The following RBFOX1 variants were observed in gnomAD, a reference collection of about 807,000 sequenced individuals.
RBFOX1 encodes RNA binding protein fox-1 homolog 1.
Under a neutral mutation model 57.7 loss-of-function variants are expected in RBFOX1, and 8 were observed. The ratio of observed to expected loss-of-function variants is 0.14; its 90% confidence interval spans 0.08 to 0.25. RBFOX1 has a LOEUF of 0.25. Among genes scored for constraint, RBFOX1 ranks in the 10% least tolerant of loss-of-function variants. The pLI is 1.00. For synonymous variants in RBFOX1, 326 were observed against 222.4 expected (o/e 1.47, Z -4.15); for missense variants, 611 against 548.5 (o/e 1.11, Z -1.14).
intron 4 of RBFOX1, among the ~76,000 whole-genome samples, chr16:7,218,628 CTGTGTGTGTGTGTGTGTGTGTG>C (rs60333818): frequency 1.3e-4 from 16 of 127,536 alleles, no homozygotes; most frequent in African/African-American, 5.3e-4. Flanking sequence ...TGGGGGTTTG[CTGTGTGTGTGTGTGTGTGTGTG>C]TGTGTGTGTG....
intron 1 of RBFOX1, among the ~76,000 whole-genome samples, chr16:6,161,160 G>A (rs148048042): frequency 0.016 from 2,397 of 152,164 alleles, 23 homozygotes; most frequent in Non-Finnish European, 0.026. Flanking sequence ...AGGCCGAGGC[G>A]GGCAGATCAC....
In RBFOX1 at chr16:5,973,580, T is replaced by A. The variant is rs142670933; in HGVS notation, c.351+106245T>A. Among the ~76,000 whole-genome samples the A allele has an allele frequency of 2.1e-3, 326 of 152,342 alleles. 2 individuals carry two copies. Among genetic ancestry groups the A allele is most frequent in the African/African-American group, 7.3e-3 (302 of 41,592 alleles). On this transcript the variant is annotated intron_variant, in intron 4 of 19. Coordinates refer to the RBFOX1 transcript ENST00000641259. ...GTTATTGTTAGGTTGCTTTGATGGT[T>A]AATTTTGTGTCAGGTTGACTAGGCC...
chr16:5,578,641 A>C (rs1432860148), intron 2 of RBFOX1, among the ~76,000 whole-genome samples: 5 of 152,274 alleles, frequency 3.3e-5, no homozygotes, highest in Non-Finnish European at 4.4e-5. Flanking sequence ...ATTTAGCGCC[A>C]ACAGCTGTTA....
At chr16:6,307,208 C>G (rs1335557890) in intron 1 of RBFOX1, among the ~76,000 whole-genome samples, 1 of 152,058 alleles carries the variant, frequency 6.6e-6, no homozygotes, top group Non-Finnish European at 1.5e-5. Context: ...CTTAGAGAGA[C>G]TTCTGCAAGT....
At chr16:6,083,015 T>TTTTG (rs1451551348) in intron 1 of RBFOX1, among the ~76,000 whole-genome samples, 2 of 30,600 alleles carry the variant, frequency 6.5e-5, no homozygotes, top group Non-Finnish European at 1.8e-4. Flanking sequence ...TGTTTGTTTG[T>TTTTG]TTTTTAGATG....
chr16:7,647,769 A>AT (rs1221103671), intron 11 of RBFOX1, among the ~76,000 whole-genome samples: 2 of 152,208 alleles, frequency 1.3e-5, no homozygotes, highest in Non-Finnish European at 2.9e-5. Flanking sequence ...GGCTTTATTA[A>AT]ATAGTCATTC....
chr16:7,361,930 G>C (rs1351737767), intron 4 of RBFOX1, among the ~76,000 whole-genome samples: 1 of 151,562 alleles, frequency 6.6e-6, no homozygotes, highest in Admixed American at 6.6e-5. Context: ...ATGTGTGTTA[G>C]TGTGTATGTG....
chr16:6,827,397 A>C (rs1377563037), intron 3 of RBFOX1, among the ~76,000 whole-genome samples: 1 of 152,118 alleles, frequency 6.6e-6, no homozygotes, highest in Non-Finnish European at 1.5e-5. Flanking sequence ...TTATCGCTGG[A>C]GGGGAAGTGC....
At chr16:6,164,060 A>G (rs2152750068) in intron 1 of RBFOX1, among the ~76,000 whole-genome samples, 1 of 152,346 alleles carries the variant, frequency 6.6e-6, no homozygotes, top group East Asian at 1.9e-4. Flanking sequence ...AATTGCTGAT[A>G]GAATTTTATT....
chr16:6,587,179 G>A (rs2097639675), intron 2 of RBFOX1, among the ~76,000 whole-genome samples: 1 of 151,984 alleles, frequency 6.6e-6, no homozygotes, highest in Non-Finnish European at 1.5e-5. Context: ...TGTCTCCCCA[G>A]CTCCCCTCTC....
intron 2 of RBFOX1, among the ~76,000 whole-genome samples, chr16:6,629,436 T>C (rs1438281442): frequency 6.6e-6 from 1 of 152,208 alleles, no homozygotes; most frequent in Non-Finnish European, 1.5e-5. Context: ...TTGATTTATG[T>C]TTTATTTTTT....
At chr16:7,091,597 G>C (rs1173459812) in intron 4 of RBFOX1, among the ~76,000 whole-genome samples, 1 of 151,872 alleles carries the variant, frequency 6.6e-6, no homozygotes, top group East Asian at 1.9e-4. Context: ...CTACCTCCCA[G>C]AGTGTGTTAC....
At chr16:5,954,681 C>T (rs534359026) in intron 4 of RBFOX1, among the ~76,000 whole-genome samples, 226 of 149,102 alleles carry the variant, frequency 1.5e-3, no homozygotes, top group Non-Finnish European at 2.9e-3. Context: ...CACCCCTTAA[C>T]TCTCGGCAAG....
intron 2 of RBFOX1, among the ~76,000 whole-genome samples, chr16:5,589,728 C>A (rs1177385706): frequency 6.6e-6 from 1 of 152,150 alleles, no homozygotes; most frequent in Non-Finnish European, 1.5e-5. Context: ...AGTAATTTAA[C>A]AAGTGTAGAG....
At chr16:6,201,177 G>T (rs148629865) in intron 1 of RBFOX1, among the ~76,000 whole-genome samples, 7 of 152,134 alleles carry the variant, frequency 4.6e-5, no homozygotes, top group African/African-American at 1.4e-4. Flanking sequence ...TTGTATCTAT[G>T]GTACCACAGT....
intron 3 of RBFOX1, among the ~76,000 whole-genome samples, chr16:6,703,036 C>T (rs1486932298): frequency 1.3e-5 from 2 of 152,174 alleles, no homozygotes; most frequent in Non-Finnish European, 2.9e-5. Context: ...CCTTTGGTAT[C>T]TGGCCTATCT....
intron 14 of RBFOX1, among the ~76,000 whole-genome samples, chr16:7,683,487 C>T (rs1049876082): frequency 6.6e-6 from 1 of 151,982 alleles, no homozygotes; most frequent in African/African-American, 2.4e-5. Flanking sequence ...AAGAACCAAT[C>T]CTGTAACAGT....
At chr16:6,052,303 C>G (rs1310087289) in intron 1 of RBFOX1, among the ~76,000 whole-genome samples, 1 of 152,122 alleles carries the variant, frequency 6.6e-6, no homozygotes, top group Non-Finnish European at 1.5e-5. Context: ...TCCTCTTCCC[C>G]CATTTTGCCC....
intron 1 of RBFOX1, among the ~76,000 whole-genome samples, chr16:6,069,195 T>A (rs1026433464): frequency 6.6e-6 from 1 of 151,866 alleles, no homozygotes; most frequent in Admixed American, 6.6e-5. Flanking sequence ...GGTCGGGAGT[T>A]GGAGACCAGC....
Sources: allele counts gnomAD v4.1 joint callset (sites outside exome capture counted in the v4.1 genomes callset), GRCh38; gene constraint gnomAD v4.1.1; transcripts MANE v1.5; gene names NCBI Gene and HGNC (gene_info 2026-07-23, HGNC 2026-07-21).